TBC1D5: variants seen among roughly 807,000 people sequenced by gnomAD.
TBC1D5 encodes TBC1 domain family, member 5.
TBC1D5 carries 75 observed loss-of-function variants against 100.3 expected under a neutral mutation model. The observed-to-expected ratio is 0.75, with a 90% CI of 0.62 to 0.91. The LOEUF (loss-of-function observed/expected upper bound fraction) is 0.91, where lower values mean the gene tolerates loss of function less well. TBC1D5 is among the 40% of genes least tolerant of loss of function. The pLI is 0.00. For missense variants in TBC1D5, 910 were observed against 942.4 expected (o/e 0.97, Z 0.45); for synonymous variants, 323 against 325.6 (o/e 0.99, Z 0.09).
intron 8 of TBC1D5, among the ~76,000 whole-genome samples, chr3:17,393,226 G>T (rs915699293): frequency 6.6e-6 from 1 of 150,556 alleles, no homozygotes; most frequent in Non-Finnish European, 1.5e-5. Flanking sequence ...TTGTAAATTT[G>T]TTTAAGTTCT....
chr3:17,239,547 C>T (rs969321214), intron 16 of TBC1D5, among the ~76,000 whole-genome samples: 2 of 152,196 alleles, frequency 1.3e-5, no homozygotes, highest in African/African-American at 4.8e-5. Context: ...GTCCACCAAG[C>T]TCCAGCTGTG....
chr3:17,298,361 C>T (rs2082473133), intron 14 of TBC1D5, among the ~76,000 whole-genome samples: 1 of 152,138 alleles, frequency 6.6e-6, no homozygotes, highest in Non-Finnish European at 1.5e-5. Context: ...TTTTTAAAAT[C>T]TCAACTTTCT....
chr3:17,356,757 T>C (rs1559709107), intron 13 of TBC1D5, among the ~76,000 whole-genome samples: 1 of 152,142 alleles, frequency 6.6e-6, no homozygotes, highest in Non-Finnish European at 1.5e-5. Context: ...AGAAAATGGC[T>C]GGGATCAGTC....
At chr3:17,301,140 CAAAT>C (rs776701456) in intron 14 of TBC1D5, among the ~76,000 whole-genome samples, 4 of 149,714 alleles carry the variant, frequency 2.7e-5, no homozygotes, top group Admixed American at 6.6e-5. Flanking sequence ...ATTTACAAGA[CAAAT>C]AAAAGGTATG....
intron 1 of TBC1D5, among the ~76,000 whole-genome samples, chr3:17,645,089 T>C (rs984240291): frequency 1.3e-5 from 2 of 152,180 alleles, no homozygotes; most frequent in Non-Finnish European, 2.9e-5. Context: ...AATTTGTATC[T>C]GCATATTCTC....
At chr3:17,269,747 A>C (rs1312629151) in intron 15 of TBC1D5, among the ~76,000 whole-genome samples, 1 of 151,844 alleles carries the variant, frequency 6.6e-6, no homozygotes, top group Non-Finnish European at 1.5e-5. Flanking sequence ...ACATGTGATA[A>C]TTTGGTTTTG....
At chr3:17,539,660 A>C (rs2096328036) in intron 2 of TBC1D5, among the ~76,000 whole-genome samples, 1 of 151,806 alleles carries the variant, frequency 6.6e-6, no homozygotes, top group African/African-American at 2.4e-5. Context: ...ATGCCTGATC[A>C]CCCCCTCCCC....
chr3:17,336,730 T>C (rs1470016880), intron 13 of TBC1D5, among the ~76,000 whole-genome samples: 1 of 150,274 alleles, frequency 6.7e-6, no homozygotes, highest in African/African-American at 2.5e-5. Context: ...AAGATAAAAA[T>C]CCAAAACAAA....
At chr3:17,709,651 C>G (rs2074518022) in intron 1 of TBC1D5, among the ~76,000 whole-genome samples, 1 of 152,072 alleles carries the variant, frequency 6.6e-6, no homozygotes, top group Admixed American at 6.6e-5. Flanking sequence ...CTAACATAAC[C>G]AGACTAGAAA....
At chr3:17,631,624 A>G (rs2063516087) in intron 1 of TBC1D5, among the ~76,000 whole-genome samples, 1 of 152,224 alleles carries the variant, frequency 6.6e-6, no homozygotes, top group Non-Finnish European at 1.5e-5. Flanking sequence ...TACTCTGTTA[A>G]GGTCTAATGC....
At chr3:17,299,571 C>T (rs1296660850) in intron 14 of TBC1D5, among the ~76,000 whole-genome samples, 4 of 151,948 alleles carry the variant, frequency 2.6e-5, no homozygotes, top group Admixed American at 2.6e-4. Flanking sequence ...AAAAATGTGT[C>T]ATTCTGGCCG....
At chr3:17,383,631 C>T (rs1356141490) in intron 9 of TBC1D5, among the ~76,000 whole-genome samples, 3 of 151,836 alleles carry the variant, frequency 2.0e-5, no homozygotes, top group Non-Finnish European at 4.4e-5. Flanking sequence ...TACTAGATTG[C>T]CTTCAAAGAT....
intron 3 of TBC1D5, among the ~76,000 whole-genome samples, chr3:17,448,640 AAG>A (rs752962093): frequency 6.6e-6 from 1 of 152,192 alleles, no homozygotes; most frequent in African/African-American, 2.4e-5. Context: ...TATCAAAGAG[AAG>A]TCATTTTTGA....
chr3:17,373,176 A>G (rs1239275573), intron 12 of TBC1D5, among the ~76,000 whole-genome samples: 1 of 152,198 alleles, frequency 6.6e-6, no homozygotes, highest in Non-Finnish European at 1.5e-5. Context: ...TAAGATGTAT[A>G]AAAACAGATG....
At chr3:17,448,728 T>C (rs997545881) in intron 3 of TBC1D5, among the ~76,000 whole-genome samples, 4 of 152,178 alleles carry the variant, frequency 2.6e-5, no homozygotes, top group Admixed American at 2.6e-4. Context: ...TATAAGCAAA[T>C]GTACTAACAT....
chr3:17,451,983 T>C (rs1448923751), intron 3 of TBC1D5, among the ~76,000 whole-genome samples: 1 of 152,094 alleles, frequency 6.6e-6, no homozygotes, highest in Non-Finnish European at 1.5e-5. Flanking sequence ...CAAAGGTGAT[T>C]ACCTCAAGGC....
At chr3:17,561,168 T>C (rs1432208135) in intron 2 of TBC1D5, among the ~76,000 whole-genome samples, 1 of 152,176 alleles carries the variant, frequency 6.6e-6, no homozygotes, top group Non-Finnish European at 1.5e-5. Context: ...ATGTTTACCT[T>C]AAAATAATTC....
At chr3:17,318,771 C>A (rs1392700984) in intron 13 of TBC1D5, among the ~76,000 whole-genome samples, 2 of 152,146 alleles carry the variant, frequency 1.3e-5, no homozygotes, top group African/African-American at 4.8e-5. Flanking sequence ...CATGGAGAAT[C>A]ACAGGATTCG....
At chr3:17,627,638 G>A (rs2153664080) in intron 1 of TBC1D5, among the ~76,000 whole-genome samples, 1 of 148,588 alleles carries the variant, frequency 6.7e-6, no homozygotes, top group African/African-American at 2.5e-5. Flanking sequence ...CTGCAAGGAA[G>A]AACAATTTTT....
Sources: gnomAD v4.1 joint callset for allele counts (sites outside exome capture counted in the v4.1 genomes callset) on GRCh38, gnomAD v4.1.1 for gene constraint, MANE v1.5 for transcripts, NCBI Gene and HGNC (gene_info 2026-07-23, HGNC 2026-07-21) for gene names.